The following TEKT5 variants were observed in gnomAD, a reference collection of about 807,000 sequenced individuals.
TEKT5 encodes tektin 5, also known as tektin-5.
In TEKT5, 52 loss-of-function variants were observed where a neutral mutation model predicts 48.7. That is an observed-to-expected ratio of 1.07 (90% CI 0.86 to 1.35). The LOEUF (loss-of-function observed/expected upper bound fraction) is 1.35. TEKT5 is among the 40% of genes most tolerant of loss of function. The pLI is 0.00. For synonymous variants in TEKT5, 318 were observed against 267.6 expected, an observed-to-expected ratio of 1.19 and a Z score of -1.84; for missense variants, 831 against 641.6, an observed-to-expected ratio of 1.30 and a Z score of -3.19.
intron 5 of TEKT5, among the ~76,000 whole-genome samples, chr16:10,669,335 T>C (rs1898515716): frequency 6.6e-6 from 1 of 151,830 alleles, no homozygotes. Context: ...GGTGCATGCC[T>C]GTAATCCCAG....
chr16:10,689,459 C>A, intron 2 of TEKT5, 136 bp from the exon 3 acceptor site: 1 of 717,178 alleles, frequency 1.4e-6, no homozygotes, highest in South Asian at 1.8e-5. Flanking sequence ...CAGCGTGGGG[C>A]CCCGCCTCAA....
intron 5 of TEKT5, among the ~76,000 whole-genome samples, chr16:10,651,911 A>G (rs1162918356): frequency 3.3e-5 from 5 of 152,144 alleles, no homozygotes; most frequent in Admixed American, 3.3e-4. Flanking sequence ...GCAGTGAGCC[A>G]AGATGGCACT....
chr16:10,653,413 C>T (rs1169527132), intron 5 of TEKT5, among the ~76,000 whole-genome samples: 1 of 152,240 alleles, frequency 6.6e-6, no homozygotes, highest in African/African-American at 2.4e-5. Flanking sequence ...ATGTGCTGTA[C>T]ACCTGGGGAC....
chr16:10,638,633 G>A (rs1897948842), intron 5 of TEKT5, among the ~76,000 whole-genome samples: 1 of 152,176 alleles, frequency 6.6e-6, no homozygotes, highest in Non-Finnish European at 1.5e-5. Context: ...GCTCCACCAG[G>A]AACATCTTCA....
intron 1 of TEKT5, chr16:10,690,705 T>A: frequency 1.0e-6 from 1 of 985,382 alleles, no homozygotes; most frequent in Non-Finnish European, 1.2e-6. Flanking sequence ...ACAACTCTCA[T>A]GCAGACCTGG....
chr16:10,675,904 G>T lies in TEKT5; in HGVS notation c.1086+55C>A, dbSNP rs1257623843. The T allele has an allele frequency of 4.5e-6, 7 of 1,571,200 alleles. No homozygotes were observed. In the African/African-American group the frequency reaches 9.4e-5, roughly 21 times the overall value. ...GGCCCAGATAACACTCAGATTCACG[G>T]GAGAAGGGTGAGGGCTTGGCAGAGA... is the stretch of plus-strand genomic sequence containing the variant. On this transcript the variant is annotated intron_variant, in intron 5 of 6. Coordinates refer to ENST00000283025, the MANE Select transcript of TEKT5 (RefSeq NM_144674.2).
intron 2 of TEKT5, 115 bp from the exon 3 acceptor site, chr16:10,689,438 A>T: frequency 2.4e-6 from 2 of 847,912 alleles, no homozygotes; most frequent in Non-Finnish European, 1.8e-6. Context: ...CGACCCCAGG[A>T]GGTGAAATGT....
chr16:10,633,479 C>T (rs1485929293), intron 6 of TEKT5, among the ~76,000 whole-genome samples: 1 of 152,090 alleles, frequency 6.6e-6, no homozygotes, highest in African/African-American at 2.4e-5. Context: ...CAGCAGAGCC[C>T]AGCCCCCACT....
At position 10,694,561 on chromosome 16, in the gene TEKT5, C is replaced by T. The variant is rs1899044477; in HGVS notation, c.313G>A (p.Ala105Thr). The change falls in exon 1 of 7, where the codon GCC (alanine) becomes ACC (threonine). Residue 105 changes from alanine to threonine, a missense_variant. Transcript: ENST00000283025. ...CTGGCCCACAGCCGGGAGGCCTCGGCCCCACGCACCTGCAGCTGGTTGGAC... is the reference window on the plus strand; with the variant it reads ...CTGGCCCACAGCCGGGAGGCCTCGGTCCCACGCACCTGCAGCTGGTTGGAC... ...DQSNQLQVRG[A>T]EASRLWASRL... The T allele has an allele frequency of 1.2e-5, 19 of 1,602,242 alleles. No individual in the cohort carries two copies. The highest frequency in any genetic ancestry group is 1.6e-5 in the Non-Finnish European group (19 of 1,174,172).
At chr16:10,694,158 T>G (rs1899030497) in intron 1 of TEKT5, 152 bp downstream of exon 1, 2 of 697,344 alleles carry the variant, frequency 2.9e-6, no homozygotes, top group Non-Finnish European at 4.7e-6. Flanking sequence ...TATCCTGAAT[T>G]GACTAAGATT....
intron 5 of TEKT5, among the ~76,000 whole-genome samples, chr16:10,669,119 T>C (rs1466790748): frequency 1.3e-5 from 2 of 152,136 alleles, no homozygotes. Context: ...TGTACATGAG[T>C]GTTCACAGCA....
At chr16:10,646,130 G>A (rs1596403767) in intron 5 of TEKT5, among the ~76,000 whole-genome samples, 1 of 148,998 alleles carries the variant, frequency 6.7e-6, no homozygotes. Flanking sequence ...GTAAGACTCT[G>A]TCTCAAAAAA....
intron 5 of TEKT5, among the ~76,000 whole-genome samples, chr16:10,665,196 G>C (rs1596411107): frequency 6.6e-6 from 1 of 152,188 alleles, no homozygotes; most frequent in East Asian, 1.9e-4. Context: ...AGACACAAAG[G>C]TGGAGGAGTC....
At chr16:10,631,649 T>C (rs1897842938) in intron 6 of TEKT5, among the ~76,000 whole-genome samples, 1 of 152,064 alleles carries the variant, frequency 6.6e-6, no homozygotes. Context: ...CTAAATCCAA[T>C]GACTGATCTC....
At chr16:10,687,504 G>C (rs572420006) in intron 3 of TEKT5, among the ~76,000 whole-genome samples, 1 of 152,230 alleles carries the variant, frequency 6.6e-6, no homozygotes. Flanking sequence ...TCAGCACTCA[G>C]CACTGTGGGA....
At chr16:10,689,184 C>G in intron 3 of TEKT5, 69 bp downstream of exon 3, 1 of 1,340,180 alleles carries the variant, frequency 7.5e-7, no homozygotes, top group Non-Finnish European at 1.0e-6. Context: ...TCTGGCTTGT[C>G]CCCCAGAAAT....
intron 4 of TEKT5, among the ~76,000 whole-genome samples, chr16:10,677,655 C>T (rs1302917879): frequency 6.7e-6 from 1 of 149,266 alleles, no homozygotes; most frequent in African/African-American, 2.6e-5. Context: ...GTCACTATCC[C>T]AGCTGTAAAG....
At chr16:10,643,723 A>G (rs1297192177) in intron 5 of TEKT5, among the ~76,000 whole-genome samples, 1 of 152,260 alleles carries the variant, frequency 6.6e-6, no homozygotes, top group African/African-American at 2.4e-5. Context: ...AGTATTATGC[A>G]TTACATAAAA....
Position 10,678,669 on chromosome 16 carries a change from G to A in TEKT5, c.864-2488C>T, listed in dbSNP as rs532015683. Among the ~76,000 whole-genome samples, 28 of 152,302 alleles carry A rather than the reference G, an allele frequency of 1.8e-4. No homozygotes were observed. The East Asian group carries it at 3.7e-3, about 20-fold the overall frequency. On this transcript the variant is annotated intron_variant, in intron 4 of 6. Transcript: ENST00000283025. ...ACACTGAGGAAAGAGGAGACAATAA[G>A]GACAGCAGAGAGAAACATGCAGATT...
Sources: allele counts gnomAD v4.1 joint callset (sites outside exome capture counted in the v4.1 genomes callset), GRCh38; gene constraint gnomAD v4.1.1; transcripts MANE v1.5; gene names NCBI Gene and HGNC (gene_info 2026-07-23, HGNC 2026-07-21).